The following NR2F2 variants were observed in gnomAD, a reference collection of about 807,000 sequenced individuals.
NR2F2 encodes nuclear receptor subfamily 2 group F member 2.
NR2F2 carries 2 observed loss-of-function variants against 34.8 expected under a neutral mutation model. That is an observed-to-expected ratio of 0.06 (90% confidence interval 0.02 to 0.18). NR2F2 has a LOEUF of 0.18. Ranked by LOEUF, NR2F2 falls within the 10% of genes least tolerant of loss-of-function variation. NR2F2 has a pLI of 1.00. For synonymous variants in NR2F2, 274 were observed against 251.8 expected, an observed-to-expected ratio of 1.09 and a Z score of -0.84; for missense variants, 300 against 580.1, an observed-to-expected ratio of 0.52 and a Z score of 4.96.
At chr15:96,328,610 G>T (rs1218562637), upstream of NR2F2, among the ~76,000 whole-genome samples, 2 of 152,188 alleles carry the variant, frequency 1.3e-5, no homozygotes, top group Non-Finnish European at 1.5e-5. Context: ...CTTCTCCTGT[G>T]TAATGATTTC....
rs1899138119 is a variant in NR2F2 at position 96,331,429 on chromosome 15, C to T, written c.-677C>T. 2 of 1,231,572 alleles carry T rather than the reference C, an allele frequency of 1.6e-6. No individual in the cohort carries two copies. Among genetic ancestry groups the T allele is most frequent in the South Asian group, 4.1e-5 (1 of 24,332 alleles). 76.3% of individuals were successfully genotyped at this position (1,231,572 alleles called of 1,614,324 possible). ...GCCCCGGCCTGCCTGGCTCCCTGGG[C>T]GCGCCCGCACCCGGCGCCTCCGATC... On this transcript the variant is annotated 5_prime_UTR_variant, in exon 1 of 3. Coordinates refer to ENST00000394166, the MANE Select transcript of NR2F2 (RefSeq NM_021005.4).
chr15:96,333,554 C>T, intron 1 of NR2F2: 1 of 1,011,886 alleles, frequency 9.9e-7, no homozygotes, highest in Non-Finnish European at 1.2e-6. Context: ...CTCTGCTTGT[C>T]TCTCACTGGG....
chr15:96,337,703 AG>A lies in NR2F2; in HGVS notation c.*82del. 1 of 1,415,060 alleles carries A rather than the reference AG, an allele frequency of 7.1e-7. No homozygotes were observed. The highest frequency in any genetic ancestry group is 9.6e-7 in the Non-Finnish European group (1 of 1,040,342). 87.7% of individuals were successfully genotyped at this position (1,415,060 alleles called of 1,614,324 possible). On this transcript the variant is annotated 3_prime_UTR_variant, in exon 3 of 3. Transcript: ENST00000394166. Reference sequence around the variant, plus strand: ...TTGTTTGCTTAATTTCCTTCTGTTAAGAAAGGATATAAAAGGATGTTACAAG... The same window carrying A: ...TTGTTTGCTTAATTTCCTTCTGTTAAAAAGGATATAAAAGGATGTTACAAG...
At chr15:96,326,779 C>T (rs1003401645), upstream of NR2F2, among the ~76,000 whole-genome samples, 1 of 152,146 alleles carries the variant, frequency 6.6e-6, no homozygotes, top group Admixed American at 6.5e-5. The surrounding 1 kb of genome is among the most constrained non-coding windows in gnomAD (Gnocchi z 5.5). Context: ...TAGGCTCGCA[C>T]TAAGTATCAG....
chr15:96,326,388 T>C, upstream of NR2F2: 5 of 1,572,722 alleles, frequency 3.2e-6, no homozygotes, highest in Non-Finnish European at 3.5e-6. This position sits in a 1 kb window ranked among gnomAD's most constrained non-coding sequence, Gnocchi z 5.5. Flanking sequence ...TCTCTCTCTT[T>C]CCTTTCTCAC....
At chr15:96,335,517 A>G (rs1481267401) in intron 2 of NR2F2, among the ~76,000 whole-genome samples, 2 of 152,236 alleles carry the variant, frequency 1.3e-5, no homozygotes, top group African/African-American at 4.8e-5. Flanking sequence ...AGCATAGCCC[A>G]GGTGGATGGA....
At chr15:96,326,904 G>A (rs958202906), upstream of NR2F2, 3 of 153,048 alleles carry the variant, frequency 2.0e-5, no homozygotes, top group African/African-American at 7.2e-5. The surrounding 1 kb of genome is among the most constrained non-coding windows in gnomAD (Gnocchi z 5.5). Flanking sequence ...GGTTCGGGTA[G>A]GCGAGCGCTC....
chr15:96,332,654 G>C (rs1596425199), intron 1 of NR2F2, 107 bp downstream of exon 1: 1 of 1,478,574 alleles, frequency 6.8e-7, no homozygotes, highest in Non-Finnish European at 9.0e-7. Context: ...TCTTCTCTTC[G>C]TATTGCAGCG....
chr15:96,336,249 G>C (rs1899324358), intron 2 of NR2F2, among the ~76,000 whole-genome samples: 1 of 152,154 alleles, frequency 6.6e-6, no homozygotes, highest in African/African-American at 2.4e-5. Flanking sequence ...GCCTCACAAA[G>C]AGATAAAGGT....
chr15:96,331,441 C>T lies in NR2F2; in HGVS notation c.-665C>T. 1.6e-6 allele frequency: 2 copies of T among 1,231,522 alleles called. No individual in the cohort carries two copies. Among genetic ancestry groups the T allele is most frequent in the Non-Finnish European group, 2.0e-6 (2 of 988,130 alleles). 76.3% of individuals were successfully genotyped at this position (1,231,522 alleles called of 1,614,324 possible). On this transcript the variant is annotated 5_prime_UTR_variant, in exon 1 of 3. Coordinates refer to ENST00000394166, the MANE Select transcript of NR2F2 (RefSeq NM_021005.4). The stretch of plus-strand genomic sequence containing the variant: ...CTGGCTCCCTGGGCGCGCCCGCACC[C>T]GGCGCCTCCGATCTCCTAGTCCTCC...
chr15:96,326,408 T>C (rs1225199374), upstream of NR2F2: 10 of 1,467,322 alleles, frequency 6.8e-6, no homozygotes, highest in Non-Finnish European at 8.6e-6. The surrounding 1 kb of genome is among the most constrained non-coding windows in gnomAD (Gnocchi z 5.5). Context: ...CTTTTCTGCT[T>C]GTGCTGTGTG....
intron 2 of NR2F2, among the ~76,000 whole-genome samples, chr15:96,335,197 C>T (rs544625345): frequency 1.3e-5 from 2 of 152,204 alleles, no homozygotes; most frequent in African/African-American, 2.4e-5. Flanking sequence ...GGAAAGGGAC[C>T]GTCATAACTC....
At chr15:96,332,661 A>C (rs1596425206) in intron 1 of NR2F2, 114 bp downstream of exon 1, 2 of 1,471,216 alleles carry the variant, frequency 1.4e-6, no homozygotes, top group East Asian at 4.9e-5. Flanking sequence ...TTCGTATTGC[A>C]GCGGAAAAGG....
At chr15:96,333,536 C>T (rs1428557443) in intron 1 of NR2F2, 7 of 1,009,226 alleles carry the variant, frequency 6.9e-6, no homozygotes, top group Non-Finnish European at 8.3e-6. Flanking sequence ...AGACGCCAGA[C>T]CTCCGCTCTC....
chr15:96,334,016 G>A (rs1306234286), intron 1 of NR2F2, 60 bp from the exon 2 acceptor site: 8 of 1,564,232 alleles, frequency 5.1e-6, no homozygotes, highest in Non-Finnish European at 6.1e-6. Flanking sequence ...AGACCCCGCC[G>A]GGGAACCTGG....
In NR2F2 at chr15:96,330,827, T is replaced by A. The variant is rs1315856795; in HGVS notation, c.-1279T>A. On this transcript the variant is annotated 5_prime_UTR_variant, in exon 1 of 3. Transcript: ENST00000394166. ...CGCGGTGTGTGTGTGCGTGCGCGCGTGTGTGTTTTCTTCTTCTCCTCCTCC... is the reference window on the plus strand; with the variant it reads ...CGCGGTGTGTGTGTGCGTGCGCGCGAGTGTGTTTTCTTCTTCTCCTCCTCC... 12 of 1,132,944 alleles carry A rather than the reference T, an allele frequency of 1.1e-5. No homozygotes were observed. Among genetic ancestry groups the A allele is most frequent in the Non-Finnish European group, 1.2e-5 (11 of 921,846 alleles). 70.2% of individuals were successfully genotyped at this position (1,132,944 alleles called of 1,614,324 possible).
intron 1 of NR2F2, among the ~76,000 whole-genome samples, chr15:96,332,822 G>A (rs1416067951): frequency 1.3e-5 from 2 of 151,798 alleles, no homozygotes; most frequent in Non-Finnish European, 2.9e-5. Flanking sequence ...TTCTGCAAGG[G>A]ATGGGGTGTT....
At chr15:96,327,932 C>T (rs1214677179), upstream of NR2F2, among the ~76,000 whole-genome samples, 1 of 151,902 alleles carries the variant, frequency 6.6e-6, no homozygotes, top group Non-Finnish European at 1.5e-5. Context: ...TTTACATCTG[C>T]AAAAAAAGAC....
In NR2F2 at chr15:96,330,829, T is replaced by G; in HGVS notation, c.-1277T>G. ...CGGTGTGTGTGTGCGTGCGCGCGTG[T>G]GTGTTTTCTTCTTCTCCTCCTCCTC... On this transcript the variant is annotated 5_prime_UTR_variant, in exon 1 of 3. Coordinates refer to ENST00000394166, the MANE Select transcript of NR2F2 (RefSeq NM_021005.4). 1 of 1,144,066 alleles carries G rather than the reference T, an allele frequency of 8.7e-7. No individual in the cohort carries two copies. Among genetic ancestry groups the G allele is most frequent in the Non-Finnish European group, 1.1e-6 (1 of 930,068 alleles). The allele number at this position is 1,144,066 out of a possible 1,614,324, so 70.9% of individuals were successfully genotyped here.
Sources: allele counts gnomAD v4.1 joint callset (sites outside exome capture counted in the v4.1 genomes callset), GRCh38; gene constraint gnomAD v4.1.1; non-coding constraint Gnocchi (gnomAD v3.1); transcripts MANE v1.5; gene names NCBI Gene and HGNC (gene_info 2026-07-23, HGNC 2026-07-21).